ZNF821: variants seen among roughly 807,000 people sequenced by gnomAD.
The protein encoded by ZNF821 is zinc finger protein 821.
In ZNF821, 16 loss-of-function variants were observed where a neutral mutation model predicts 44.3. That is an observed-to-expected ratio of 0.36 (90% CI 0.24 to 0.55). The LOEUF is 0.55. Ranked by LOEUF, ZNF821 falls within the 20% of genes least tolerant of loss-of-function variation. ZNF821 has a pLI of 0.86. For missense variants in ZNF821, 436 were observed against 547.6 expected, an observed-to-expected ratio of 0.80 and a Z score of 2.03; for synonymous variants, 204 against 197.6, an observed-to-expected ratio of 1.03 and a Z score of -0.27.
rs2033746817 is a variant in ZNF821 at position 71,860,659 on chromosome 16, C to T, written c.598G>A (p.Glu200Lys). ...HATFNSEKLP[E>K]VLNMESLPTV... is the part of the protein sequence containing the mutation. ...GGTAGGGATTCCATATTTAGTACTT[C>T]AGGAAGTTTCTCACTGGAAAGGAAA... is the stretch of plus-strand genomic sequence containing the variant. The change falls in exon 8 of 8, where the codon GAA (glutamate) becomes AAA (lysine). Residue 200 changes from glutamate to lysine, a missense_variant. This residue lies in a region of ZNF821 where 238 missense variants were observed against 281.4 expected (regional missense o/e 0.85). Transcript: ENST00000425432. This position sits in a 1 kb window ranked among gnomAD's most constrained non-coding sequence, Gnocchi z 7.3. 6.2e-7 allele frequency: 1 copy of T among 1,611,882 alleles called. No homozygotes were observed. The highest frequency in any genetic ancestry group is 1.3e-5 in the African/African-American group (1 of 74,854).
chr16:71,868,059 A>G, intron 3 of ZNF821, 22 bp from the exon 4 acceptor site: 1 of 1,531,022 alleles, frequency 6.5e-7, no homozygotes, highest in Non-Finnish European at 8.7e-7. Flanking sequence ...AAGGAAAAAT[A>G]GTCAGGCCAC....
At chr16:71,862,278 C>A (rs1188456264) in intron 6 of ZNF821, among the ~76,000 whole-genome samples, 1 of 152,128 alleles carries the variant, frequency 6.6e-6, no homozygotes, top group Admixed American at 6.6e-5. Context: ...AGTTCAAGAC[C>A]AGCCTGGCCA....
chr16:71,863,704 T>C (rs1175517333), intron 6 of ZNF821, among the ~76,000 whole-genome samples: 1 of 152,018 alleles, frequency 6.6e-6, no homozygotes, highest in Admixed American at 6.6e-5. Flanking sequence ...GCTGAATTTT[T>C]TTTTTCTTTT....
At chr16:71,873,431 T>G (rs2035443511) in intron 3 of ZNF821, among the ~76,000 whole-genome samples, 1 of 152,188 alleles carries the variant, frequency 6.6e-6, no homozygotes, top group South Asian at 2.1e-4. Flanking sequence ...ATAACAATTT[T>G]GGGCTTTTAT....
intron 2 of ZNF821, among the ~76,000 whole-genome samples, chr16:71,882,592 G>A (rs938587368): frequency 6.6e-5 from 10 of 152,148 alleles, no homozygotes; most frequent in Admixed American, 1.3e-4. Context: ...GTGGCCAAAT[G>A]GGGAACTGAC....
chr16:71,863,672 G>A (rs1233908256), intron 6 of ZNF821, among the ~76,000 whole-genome samples: 1 of 151,994 alleles, frequency 6.6e-6, no homozygotes, highest in Non-Finnish European at 1.5e-5. Flanking sequence ...TTCTGGGTGT[G>A]AGCCACCACA....
Position 71,861,940 on chromosome 16 carries a change from G to A in ZNF821, c.420C>T (p.His140=). The A allele has an allele frequency of 1.9e-6, 3 of 1,614,134 alleles. No individual in the cohort carries two copies. Among genetic ancestry groups the A allele is most frequent in the East Asian group, 2.2e-5 (1 of 44,888 alleles). The change falls in exon 7 of 8, where the codon CAC becomes CAT. Residue 140 remains histidine (H), a splice_region_variant and synonymous_variant. Transcript: ENST00000425432. The part of the protein sequence containing the change: ...REQLIAHVYQ[H]TAAVVSAKSY... ...TCTTGGCGCTCACCACTGCTGCAGT[G>A]TGCTGTAAAACAGAGCCTTGATCTG...
chr16:71,887,469 GC>G (rs2036865754), upstream of ZNF821, among the ~76,000 whole-genome samples: 1 of 152,104 alleles, frequency 6.6e-6, no homozygotes, highest in Admixed American at 6.6e-5. Context: ...CACCGTGTTA[GC>G]CAGGATGGTC....
intron 3 of ZNF821, among the ~76,000 whole-genome samples, chr16:71,877,118 G>A (rs185260224): frequency 3.9e-5 from 6 of 152,254 alleles, no homozygotes; most frequent in Admixed American, 2.0e-4. Flanking sequence ...AATTTTATAT[G>A]GAGGTTTGCT....
At chr16:71,893,476 T>G (rs2036904485) in intron 1 of ZNF821, among the ~76,000 whole-genome samples, 1 of 151,406 alleles carries the variant, frequency 6.6e-6, no homozygotes, top group South Asian at 2.1e-4. Flanking sequence ...TTTTTTTTTT[T>G]TGGGACAGGG....
At chr16:71,874,319 C>T (rs767657552) in intron 3 of ZNF821, among the ~76,000 whole-genome samples, 3 of 152,148 alleles carry the variant, frequency 2.0e-5, no homozygotes, top group Non-Finnish European at 2.9e-5. Context: ...ACACAATCTT[C>T]GTCTTCCCAG....
chr16:71,888,994 C>T (rs1008914592), upstream of ZNF821, among the ~76,000 whole-genome samples: 2 of 152,202 alleles, frequency 1.3e-5, no homozygotes, highest in African/African-American at 4.8e-5. Flanking sequence ...CGAGGTGGCT[C>T]ATGCCTTTGG....
At chr16:71,888,509 C>T (rs2036870318), upstream of ZNF821, among the ~76,000 whole-genome samples, 2 of 152,116 alleles carry the variant, frequency 1.3e-5, no homozygotes, top group Non-Finnish European at 2.9e-5. Context: ...GTTTTCTTAG[C>T]ACCATTTGTT....
chr16:71,886,991 A>G (rs1016623901), upstream of ZNF821, among the ~76,000 whole-genome samples: 6 of 152,220 alleles, frequency 3.9e-5, no homozygotes, highest in Non-Finnish European at 7.3e-5. Flanking sequence ...TTCAAGGTTC[A>G]TTCATGTTGT....
At chr16:71,884,299 G>T (rs1477136180), upstream of ZNF821, 3 of 151,864 alleles carry the variant, frequency 2.0e-5, no homozygotes, top group Admixed American at 6.6e-5. Flanking sequence ...TGAGGAGAGG[G>T]GCTCTGGAGA....
intron 3 of ZNF821, among the ~76,000 whole-genome samples, chr16:71,877,263 TTTTG>T (rs928403192): frequency 1.6e-4 from 25 of 152,144 alleles, no homozygotes; most frequent in African/African-American, 5.3e-4. Flanking sequence ...GTTTTTTGGT[TTTTG>T]TTTGTTTGTT....
intron 3 of ZNF821, among the ~76,000 whole-genome samples, chr16:71,870,794 A>C (rs1054619804): frequency 5.9e-5 from 9 of 152,144 alleles, no homozygotes; most frequent in Non-Finnish European, 1.2e-4. Flanking sequence ...GCCAACTGTA[A>C]TAGTTATTGA....
intron 3 of ZNF821, among the ~76,000 whole-genome samples, chr16:71,878,113 CTTT>C (rs59096817): frequency 3.8e-4 from 46 of 121,716 alleles, no homozygotes; most frequent in Admixed American, 7.7e-4. Context: ...AACTATTTGT[CTTT>C]TTTTTTTTTT....
At chr16:71,864,007 C>T (rs897137067) in intron 6 of ZNF821, 131 bp downstream of exon 6, 18 of 804,200 alleles carry the variant, frequency 2.2e-5, no homozygotes, top group African/African-American at 1.7e-4. Context: ...CTCCCTAAGA[C>T]GAATCTTAAT....
Sources: gnomAD v4.1 joint callset for allele counts (sites outside exome capture counted in the v4.1 genomes callset) on GRCh38, gnomAD v4.1.1 for gene constraint, gnomAD v4.1.1 regional missense constraint, Gnocchi (gnomAD v3.1) non-coding constraint, MANE v1.5 for transcripts, NCBI Gene and HGNC (gene_info 2026-07-23, HGNC 2026-07-21) for gene names.